HPSE2: variants seen among roughly 807,000 people sequenced by gnomAD.
HPSE2 encodes inactive heparanase-2.
HPSE2 carries 38 observed loss-of-function variants against 60.5 expected under a neutral mutation model. That is an observed-to-expected ratio of 0.63 (90% CI 0.48 to 0.82). The LOEUF (loss-of-function observed/expected upper bound fraction) is 0.82. Among genes scored for constraint, HPSE2 ranks in the 40% least tolerant of loss-of-function variants. The probability of loss-of-function intolerance (pLI) is 0.00; values close to 1 mark genes in which losing one functional copy is unlikely to be tolerated. For missense variants in HPSE2, 713 were observed against 740.4 expected (o/e 0.96, Z 0.43); for synonymous variants, 295 against 293.2 (o/e 1.01, Z -0.06).
At chr10:98,853,196 TGAG>T (rs1347072086) in intron 3 of HPSE2, among the ~76,000 whole-genome samples, 1 of 152,228 alleles carries the variant, frequency 6.6e-6, no homozygotes, top group Non-Finnish European at 1.5e-5. Flanking sequence ...CACAGCTAAA[TGAG>T]GAGGAATAGT....
chr10:99,214,611 A>G (rs1849057225), intron 2 of HPSE2, among the ~76,000 whole-genome samples: 1 of 152,080 alleles, frequency 6.6e-6, no homozygotes, highest in Non-Finnish European at 1.5e-5. Flanking sequence ...ATTAAGCTAA[A>G]GAGCATCTAC....
At chr10:99,136,598 A>G (rs969245222) in intron 3 of HPSE2, among the ~76,000 whole-genome samples, 1 of 152,224 alleles carries the variant, frequency 6.6e-6, no homozygotes, top group Non-Finnish European at 1.5e-5. Flanking sequence ...ACGCAAATCA[A>G]TAAACGTAAT....
At chr10:98,509,078 G>A (rs767416484) in intron 9 of HPSE2, among the ~76,000 whole-genome samples, 1 of 152,168 alleles carries the variant, frequency 6.6e-6, no homozygotes, top group African/African-American at 2.4e-5. Context: ...CACATTGGGA[G>A]GCCGAGGCGG....
intron 9 of HPSE2, among the ~76,000 whole-genome samples, chr10:98,586,951 A>C (rs185478926): frequency 2.6e-5 from 4 of 152,338 alleles, no homozygotes; most frequent in African/African-American, 9.6e-5. Flanking sequence ...TTGGACAGGT[A>C]ACTTGACCTT....
At chr10:98,975,166 T>TA (rs1472348114) in intron 3 of HPSE2, among the ~76,000 whole-genome samples, 12 of 152,190 alleles carry the variant, frequency 7.9e-5, no homozygotes, top group African/African-American at 2.9e-4. Context: ...CATGAAATCT[T>TA]ATTAGATTTA....
intron 3 of HPSE2, among the ~76,000 whole-genome samples, chr10:98,854,957 G>A (rs1000283775): frequency 3.3e-5 from 5 of 152,090 alleles, no homozygotes; most frequent in African/African-American, 7.2e-5. Context: ...CTTAGGATAC[G>A]GGAAGCTATA....
the HPSE2 span, among the ~76,000 whole-genome samples, chr10:99,286,089 T>G: frequency 6.6e-6 from 1 of 152,150 alleles, no homozygotes; most frequent in Non-Finnish European, 1.5e-5. Context: ...TTGCTGAGGA[T>G]GTAGAGAAAT....
intron 11 of HPSE2, among the ~76,000 whole-genome samples, chr10:98,476,777 G>A (rs1043161320): frequency 2.6e-5 from 4 of 152,004 alleles, no homozygotes; most frequent in African/African-American, 9.7e-5. Context: ...GTGACAGGGT[G>A]GGAGTCTGTC....
At chr10:98,780,803 G>T (rs1175701419) in intron 3 of HPSE2, among the ~76,000 whole-genome samples, 3 of 152,112 alleles carry the variant, frequency 2.0e-5, no homozygotes, top group African/African-American at 7.2e-5. Flanking sequence ...TGACTCAAAT[G>T]TCACTTTTTC....
At chr10:99,233,216 AC>A (rs34811645) in intron 1 of HPSE2, among the ~76,000 whole-genome samples, 136,095 of 149,002 alleles carry the variant, frequency 0.91, 62,358 homozygotes, top group East Asian at 1. Flanking sequence ...CACCACCACC[AC>A]CACACACACA....
chr10:98,513,530 T>G (rs1942491336), intron 9 of HPSE2, among the ~76,000 whole-genome samples: 1 of 152,154 alleles, frequency 6.6e-6, no homozygotes, highest in Non-Finnish European at 1.5e-5. Flanking sequence ...ATTCCAGGTG[T>G]GCTGCAAGTG....
chr10:98,552,347 T>C (rs1309491096), intron 9 of HPSE2, among the ~76,000 whole-genome samples: 2 of 152,228 alleles, frequency 1.3e-5, no homozygotes, highest in East Asian at 3.9e-4. Flanking sequence ...TACCTATTCA[T>C]AGGGTTTTAT....
chr10:99,057,981 T>C (rs1958152028), intron 3 of HPSE2, among the ~76,000 whole-genome samples: 3 of 152,162 alleles, frequency 2.0e-5, no homozygotes, highest in South Asian at 4.1e-4. Flanking sequence ...GGTTCTTCTA[T>C]GGATTTATAG....
At chr10:98,547,996 G>T (rs1169761996) in intron 9 of HPSE2, among the ~76,000 whole-genome samples, 1 of 152,088 alleles carries the variant, frequency 6.6e-6, no homozygotes, top group Admixed American at 6.6e-5. Flanking sequence ...ACATATAATA[G>T]ATTTATGAGA....
intron 3 of HPSE2, among the ~76,000 whole-genome samples, chr10:98,942,061 C>T (rs1955023325): frequency 7.0e-6 from 1 of 143,086 alleles, no homozygotes; most frequent in Admixed American, 7.0e-5. Context: ...CATCCTTACA[C>T]CTTATACAAA....
rs1433603271 is a variant in HPSE2 at position 99,127,777 on chromosome 10, A to G, written c.610+16461T>C. ...TCAGGTAAACTATACAGAAAAACCT[A>G]TAAGATTAACAGAATTCTCAGCAGA... On this transcript the variant is annotated intron_variant, in intron 3 of 11. Coordinates refer to ENST00000370552, the MANE Select transcript of HPSE2 (RefSeq NM_021828.5). Among the ~76,000 whole-genome samples the G allele has an allele frequency of 2.4e-4, 36 of 152,248 alleles. 1 individual carries two copies. The highest frequency in any genetic ancestry group is 2.4e-3 in the Admixed American group (36 of 15,286).
chr10:99,116,945 C>T (rs2135698228), intron 3 of HPSE2, among the ~76,000 whole-genome samples: 1 of 152,082 alleles, frequency 6.6e-6, no homozygotes, highest in African/African-American at 2.4e-5. Context: ...GGTCTGAGAA[C>T]ACTAAAGACA....
chr10:99,296,842 G>T, the HPSE2 span, among the ~76,000 whole-genome samples: 1 of 152,174 alleles, frequency 6.6e-6, no homozygotes, highest in Admixed American at 6.5e-5. Flanking sequence ...GGCAGTCAGA[G>T]ATCTGCCTGC....
At chr10:98,780,043 T>C (rs1354398930) in intron 3 of HPSE2, among the ~76,000 whole-genome samples, 1 of 152,050 alleles carries the variant, frequency 6.6e-6, no homozygotes, top group Non-Finnish European at 1.5e-5. Flanking sequence ...AAAAATTCCA[T>C]GAACTAAAAT....
Sources: allele counts gnomAD v4.1 joint callset (sites outside exome capture counted in the v4.1 genomes callset), GRCh38; gene constraint gnomAD v4.1.1; transcripts MANE v1.5; gene names NCBI Gene and HGNC (gene_info 2026-07-23, HGNC 2026-07-21).